The following KCNH7 variants were observed in gnomAD, a reference collection of about 807,000 sequenced individuals.
The protein encoded by KCNH7 is potassium voltage-gated channel subfamily H member 7.
KCNH7 carries 49 observed loss-of-function variants against 120.8 expected under a neutral mutation model. That is an observed-to-expected ratio of 0.41 (90% CI 0.32 to 0.51). The LOEUF is 0.51. Ranked by LOEUF, KCNH7 falls within the 20% of genes least tolerant of loss-of-function variation. The pLI is 0.38. For synonymous variants in KCNH7, 547 were observed against 516.1 expected (o/e 1.06, Z -0.81); for missense variants, 1,097 against 1,446.6 (o/e 0.76, Z 3.92).
chr2:162,639,457 C>A (rs917210124), intron 2 of KCNH7, among the ~76,000 whole-genome samples: 2 of 151,980 alleles, frequency 1.3e-5, no homozygotes. Context: ...AGAAATGGAT[C>A]GAGTGAGGAA....
intron 2 of KCNH7, among the ~76,000 whole-genome samples, chr2:162,667,551 CT>C (rs1685184016): frequency 6.6e-6 from 1 of 152,120 alleles, no homozygotes; most frequent in Non-Finnish European, 1.5e-5. Context: ...TATTTCTTTC[CT>C]CAAACACTCA....
At chr2:162,540,534 C>T (rs770166075) in intron 2 of KCNH7, among the ~76,000 whole-genome samples, 74 of 151,990 alleles carry the variant, frequency 4.9e-4, no homozygotes, top group Non-Finnish European at 8.7e-4. Context: ...GCTTTAAAGG[C>T]GTTTTATTGT....
chr2:162,759,528 C>T (rs1248530029), intron 2 of KCNH7, among the ~76,000 whole-genome samples: 1 of 151,958 alleles, frequency 6.6e-6, no homozygotes, highest in African/African-American at 2.4e-5. Context: ...GTCCTGGGGT[C>T]TCTACAACTC....
At chr2:162,566,887 G>A (rs1206301289) in intron 2 of KCNH7, among the ~76,000 whole-genome samples, 1 of 151,954 alleles carries the variant, frequency 6.6e-6, no homozygotes, top group African/African-American at 2.4e-5. Flanking sequence ...ATTGTCAGTC[G>A]AGCCTAGTCT....
intron 4 of KCNH7, among the ~76,000 whole-genome samples, chr2:162,514,131 C>T (rs1304189321): frequency 6.6e-6 from 1 of 151,730 alleles, no homozygotes; most frequent in Non-Finnish European, 1.5e-5. Context: ...TGGGATATAT[C>T]ATAATAATTT....
At chr2:162,578,331 G>A (rs1006212155) in intron 2 of KCNH7, among the ~76,000 whole-genome samples, 1 of 151,996 alleles carries the variant, frequency 6.6e-6, no homozygotes. Context: ...TATTTATTTT[G>A]TGCTTTACGG....
chr2:162,624,297 G>A (rs1683466624), intron 2 of KCNH7, among the ~76,000 whole-genome samples: 1 of 152,046 alleles, frequency 6.6e-6, no homozygotes, highest in Non-Finnish European at 1.5e-5. Flanking sequence ...CATCACAAGA[G>A]GAAGGGGAAA....
intron 9 of KCNH7, among the ~76,000 whole-genome samples, chr2:162,402,884 G>A (rs1218357802): frequency 1.3e-5 from 2 of 151,830 alleles, no homozygotes; most frequent in Admixed American, 1.3e-4. Context: ...AAGAGATAGA[G>A]ATGAGATTCT....
chr2:162,825,274 T>C (rs2105602423), intron 2 of KCNH7, among the ~76,000 whole-genome samples: 1 of 152,204 alleles, frequency 6.6e-6, no homozygotes, highest in South Asian at 2.1e-4. Flanking sequence ...GGTTTCAAAA[T>C]ACTTAGCATG....
chr2:162,473,204 A>G (rs1689623691), intron 6 of KCNH7, among the ~76,000 whole-genome samples: 2 of 152,146 alleles, frequency 1.3e-5, no homozygotes, highest in Non-Finnish European at 1.5e-5. Context: ...CATGTACCCT[A>G]GAACTTAAAG....
intron 2 of KCNH7, among the ~76,000 whole-genome samples, chr2:162,554,492 C>A (rs1692790010): frequency 6.6e-6 from 1 of 152,106 alleles, no homozygotes; most frequent in Non-Finnish European, 1.5e-5. Flanking sequence ...AATGGATTGG[C>A]AGGGCTACAT....
At chr2:162,623,500 A>G (rs967327386) in intron 2 of KCNH7, among the ~76,000 whole-genome samples, 2 of 152,186 alleles carry the variant, frequency 1.3e-5, no homozygotes, top group African/African-American at 2.4e-5. Flanking sequence ...TGCTTTTTAT[A>G]TGGGGTCTAT....
chr2:162,648,481 C>A (rs2105253507), intron 2 of KCNH7, among the ~76,000 whole-genome samples: 1 of 152,242 alleles, frequency 6.6e-6, no homozygotes, highest in Admixed American at 6.5e-5. Context: ...CCATATCAAC[C>A]ACATCATGCT....
chr2:162,417,622 T>C (rs528461129), intron 9 of KCNH7, among the ~76,000 whole-genome samples: 1 of 152,246 alleles, frequency 6.6e-6, no homozygotes, highest in Admixed American at 6.5e-5. Context: ...TTTTGTAATA[T>C]GGAAAGCTCT....
intron 2 of KCNH7, among the ~76,000 whole-genome samples, chr2:162,804,333 C>G (rs1015283036): frequency 6.6e-6 from 1 of 151,766 alleles, no homozygotes; most frequent in Non-Finnish European, 1.5e-5. Flanking sequence ...ACCCTACAAA[C>G]GCCTCCAAAA....
At chr2:162,507,359 T>A (rs987937783) in intron 5 of KCNH7, among the ~76,000 whole-genome samples, 8 of 151,664 alleles carry the variant, frequency 5.3e-5, no homozygotes, top group East Asian at 1.9e-4. Flanking sequence ...AAATATTTTA[T>A]ATAAATATCT....
Position 162,701,066 on chromosome 2 carries a change from A to C in KCNH7, c.307+135471T>G, listed in dbSNP as rs558160337. ...TTATAAGGAAGGACAATCACATTGC[A>C]TCCCTGGCCCCTTCAGAACTATTAT... On this transcript the variant is annotated intron_variant, in intron 2 of 15. Coordinates refer to ENST00000332142, the MANE Select transcript of KCNH7 (RefSeq NM_033272.4). 6.4e-4 allele frequency among the ~76,000 whole-genome samples: 97 copies of C among 152,154 alleles called. 1 individual carries two copies. The highest frequency in any genetic ancestry group is 1.1e-3 in the Non-Finnish European group (77 of 68,028).
At chr2:162,705,505 A>G (rs1263787412) in intron 2 of KCNH7, among the ~76,000 whole-genome samples, 2 of 152,062 alleles carry the variant, frequency 1.3e-5, no homozygotes, top group Admixed American at 1.3e-4. Flanking sequence ...CATTTGCCTT[A>G]TTTCTCATTT....
chr2:162,419,467 G>C (rs1278129645), intron 9 of KCNH7, among the ~76,000 whole-genome samples: 1 of 151,904 alleles, frequency 6.6e-6, no homozygotes, highest in African/African-American at 2.4e-5. Flanking sequence ...AAAAATATTG[G>C]AAAACAACAA....
Sources: gnomAD v4.1 joint callset for allele counts (sites outside exome capture counted in the v4.1 genomes callset) on GRCh38, gnomAD v4.1.1 for gene constraint, MANE v1.5 for transcripts, NCBI Gene and HGNC (gene_info 2026-07-23, HGNC 2026-07-21) for gene names.